HEMK2: variants seen among roughly 807,000 people sequenced by gnomAD.
The protein encoded by HEMK2 is HemK methyltransferase 2, ETF1 glutamine and histone H4 lysine.
chr21:28,788,676 AAAAAT>A, the HEMK2 span, among the ~76,000 whole-genome samples: 1 of 150,840 alleles, frequency 6.6e-6, no homozygotes, highest in Non-Finnish European at 1.5e-5. Context: ...TAACTTATGG[AAAAAT>A]AAAATAAAAA....
At chr21:28,727,752 G>A in the HEMK2 span, among the ~76,000 whole-genome samples, 1 of 152,170 alleles carries the variant, frequency 6.6e-6, no homozygotes, top group Non-Finnish European at 1.5e-5. Context: ...AGGACCACTT[G>A]TTTATAAGCC....
At chr21:28,819,483 T>C in the HEMK2 span, among the ~76,000 whole-genome samples, 1 of 151,968 alleles carries the variant, frequency 6.6e-6, no homozygotes, top group African/African-American at 2.4e-5. Context: ...TACTGATTTT[T>C]CTAGTTAGTG....
the HEMK2 span, among the ~76,000 whole-genome samples, chr21:28,866,739 C>CA: frequency 6.6e-6 from 1 of 151,144 alleles, no homozygotes; most frequent in Non-Finnish European, 1.5e-5. Flanking sequence ...TCTCAAAAAA[C>CA]AAAAAAAGGA....
At chr21:28,720,037 G>A in the HEMK2 span, among the ~76,000 whole-genome samples, 1 of 152,106 alleles carries the variant, frequency 6.6e-6, no homozygotes, top group Non-Finnish European at 1.5e-5. Context: ...TTACATTTGT[G>A]TGCTTCGGTT....
At chr21:28,648,330 CA>C in the HEMK2 span, among the ~76,000 whole-genome samples, 1 of 152,068 alleles carries the variant, frequency 6.6e-6, no homozygotes, top group African/African-American at 2.4e-5. Flanking sequence ...GGTTCTTTGG[CA>C]AAAAGTAGGT....
At chr21:28,813,315 A>C in the HEMK2 span, among the ~76,000 whole-genome samples, 13,333 of 152,244 alleles carry the variant, frequency 0.088, 793 homozygotes, top group Non-Finnish European at 0.13. Context: ...ATAATAGTCA[A>C]ACAGAGAGTA....
chr21:28,704,602 A>G, the HEMK2 span, among the ~76,000 whole-genome samples: 1 of 151,438 alleles, frequency 6.6e-6, no homozygotes, highest in African/African-American at 2.4e-5. Context: ...TACTAGGGTT[A>G]TGAAATGCAG....
the HEMK2 span, chr21:28,885,261 T>G: frequency 6.3e-7 from 1 of 1,595,394 alleles, no homozygotes; most frequent in Non-Finnish European, 8.6e-7. Context: ...AGCAGAAACG[T>G]GTCCTCCGCG....
the HEMK2 span, among the ~76,000 whole-genome samples, chr21:28,718,032 T>C: frequency 1.3e-5 from 2 of 152,214 alleles, no homozygotes; most frequent in South Asian, 4.1e-4. Context: ...TAATTTGAGA[T>C]CTTTCTAACT....
the HEMK2 span, among the ~76,000 whole-genome samples, chr21:28,862,896 T>C: frequency 1.3e-5 from 2 of 152,224 alleles, no homozygotes; most frequent in Non-Finnish European, 2.9e-5. Context: ...GATTGGTGCG[T>C]TTCTGGTTGT....
the HEMK2 span, among the ~76,000 whole-genome samples, chr21:28,693,423 A>G: frequency 6.6e-6 from 1 of 152,128 alleles, no homozygotes; most frequent in Admixed American, 6.5e-5. Context: ...AACATTTTCA[A>G]CCTAACAAGG....
the HEMK2 span, among the ~76,000 whole-genome samples, chr21:28,614,549 T>C: frequency 6.6e-6 from 1 of 152,186 alleles, no homozygotes; most frequent in Non-Finnish European, 1.5e-5. Context: ...AGATTTCAAC[T>C]TGAGACTTCG....
chr21:28,606,377 T>C, the HEMK2 span, among the ~76,000 whole-genome samples: 1 of 152,230 alleles, frequency 6.6e-6, no homozygotes, highest in Non-Finnish European at 1.5e-5. Context: ...TGTTTGCCCA[T>C]GAGCTCCATA....
the HEMK2 span, among the ~76,000 whole-genome samples, chr21:28,691,914 A>G: frequency 6.6e-6 from 1 of 152,174 alleles, no homozygotes; most frequent in African/African-American, 2.4e-5. Flanking sequence ...AACACAAACT[A>G]ACCAAAAAAC....
the HEMK2 span, among the ~76,000 whole-genome samples, chr21:28,668,730 T>C: frequency 3.9e-5 from 6 of 152,176 alleles, no homozygotes; most frequent in African/African-American, 1.4e-4. Flanking sequence ...TCAAGACATA[T>C]ACTGACCACT....
chr21:28,621,414 G>C, the HEMK2 span, among the ~76,000 whole-genome samples: 3 of 152,128 alleles, frequency 2.0e-5, no homozygotes, highest in Admixed American at 1.3e-4. Flanking sequence ...ATTTAAATCT[G>C]GGTGTTCCTA....
chr21:28,847,640 A>G, the HEMK2 span, among the ~76,000 whole-genome samples: 14 of 152,166 alleles, frequency 9.2e-5, no homozygotes, highest in African/African-American at 3.1e-4. Context: ...CCCATTTATC[A>G]ATTTTTGTTT....
At chr21:28,650,750 T>G in the HEMK2 span, among the ~76,000 whole-genome samples, 1 of 152,044 alleles carries the variant, frequency 6.6e-6, no homozygotes, top group African/African-American at 2.4e-5. Context: ...GGTAAAGATG[T>G]AGATTTGGAA....
chr21:28,838,998 T>TATATATATATATATATAC, the HEMK2 span, among the ~76,000 whole-genome samples: 10 of 57,970 alleles, frequency 1.7e-4, no homozygotes, highest in Non-Finnish European at 2.8e-4. Context: ...TATATATATA[T>TATATATATATATATATAC]ATACATATAT....
Sources: gnomAD v4.1 joint callset for allele counts (sites outside exome capture counted in the v4.1 genomes callset) on GRCh38, gnomAD v4.1.1 for gene constraint, MANE v1.5 for transcripts, NCBI Gene and HGNC (gene_info 2026-07-23, HGNC 2026-07-21) for gene names.